Variants in WWC2 observed in about 807,000 individuals in gnomAD.
The protein encoded by WWC2 is WW and C2 domain containing 2.
A neutral mutation model predicts 138.5 loss-of-function variants in WWC2; 101 were observed. That is an observed-to-expected ratio of 0.73 (90% CI 0.62 to 0.86). The LOEUF (loss-of-function observed/expected upper bound fraction) is 0.86. Among genes scored for constraint, WWC2 ranks in the 40% least tolerant of loss-of-function variants. The pLI is 0.00. For missense variants in WWC2, 1,420 were observed against 1,419.4 expected, an observed-to-expected ratio of 1.00 and a Z score of -0.01; for synonymous variants, 558 against 538.4, an observed-to-expected ratio of 1.04 and a Z score of -0.50.
chr4:183,151,588 G>C lies in WWC2; in HGVS notation c.132-42011G>C, dbSNP rs1360775736. Among the ~76,000 whole-genome samples, 3 of 152,102 alleles carry C rather than the reference G, an allele frequency of 2.0e-5. No individual in the cohort carries two copies. In the South Asian group the frequency reaches 6.2e-4, roughly 32 times the overall value. ...TTTGGCTTTTGTTGCCATTGCTTTT[G>C]GTGTTTTAGACATGAAGTCCTTGTC... On this transcript the variant is annotated intron_variant, in intron 1 of 22. Coordinates refer to ENST00000403733, the MANE Select transcript of WWC2 (RefSeq NM_024949.6).
chr4:183,232,286 T>C (rs1195561124), intron 4 of WWC2, among the ~76,000 whole-genome samples: 1 of 152,208 alleles, frequency 6.6e-6, no homozygotes, highest in Non-Finnish European at 1.5e-5. Context: ...AACCATACAA[T>C]TCACCCATTT....
intron 4 of WWC2, among the ~76,000 whole-genome samples, chr4:183,216,638 G>A (rs980123842): frequency 3.3e-5 from 5 of 152,204 alleles, no homozygotes; most frequent in African/African-American, 1.2e-4. Flanking sequence ...AACAGATGAA[G>A]TGAGCCCTGG....
Position 183,208,068 on chromosome 4 carries a change from T to C in WWC2, c.357T>C (p.His119=). The part of the protein sequence containing the change: ...DALRTQKELY[H]VKEQRLALAL... ...TCCGGACACAGAAGGAACTGTACCA[T>C]GTGAAGGAGCAGAGGCTGGCGCTGG... The change falls in exon 3 of 23, where the codon CAT becomes CAC. Residue 119 remains histidine, a synonymous_variant. Coordinates refer to ENST00000403733, the MANE Select transcript of WWC2 (RefSeq NM_024949.6). 1.2e-6 allele frequency: 2 copies of C among 1,613,886 alleles called. No individual in the cohort carries two copies. The highest frequency in any genetic ancestry group is 1.1e-5 in the South Asian group (1 of 91,074).
chr4:183,172,402 A>G (rs1287448172), intron 1 of WWC2, among the ~76,000 whole-genome samples: 1 of 152,180 alleles, frequency 6.6e-6, no homozygotes, highest in Non-Finnish European at 1.5e-5. Context: ...ATCTCCACAG[A>G]TGCCATTATT....
Position 183,248,840 on chromosome 4 carries a change from C to A in WWC2, c.859C>A (p.Gln287Lys). The change falls in exon 7 of 23, where the codon CAA becomes AAA. Residue 287 changes from glutamine (Q) to lysine (K), a missense_variant. Physicochemically the swap from Gln to Lys is moderately conservative, Grantham distance 53. Coordinates refer to ENST00000403733, the MANE Select transcript of WWC2 (RefSeq NM_024949.6). ...CAGACAGACCCTTGATGCTGGGTCA[C>A]AAACAAGCATTTCCGGAGATGTAAG... ...LSRQTLDAGS[Q>K]TSISGDIGVR... 6.3e-7 allele frequency: 1 copy of A among 1,599,628 alleles called. No homozygotes were observed. Among genetic ancestry groups the A allele is most frequent in the Non-Finnish European group, 8.5e-7 (1 of 1,171,696 alleles).
intron 1 of WWC2, among the ~76,000 whole-genome samples, chr4:183,188,282 A>G (rs1289657486): frequency 6.6e-6 from 1 of 152,184 alleles, no homozygotes; most frequent in African/African-American, 2.4e-5. Context: ...TGTGTCGCCC[A>G]GGCTGGAGTG....
chr4:183,117,435 G>A (rs183828709), intron 1 of WWC2, among the ~76,000 whole-genome samples: 2 of 151,938 alleles, frequency 1.3e-5, no homozygotes, highest in African/African-American at 4.8e-5. Flanking sequence ...TGGTCAGGCT[G>A]GTCTCGAACT....
intron 1 of WWC2, among the ~76,000 whole-genome samples, chr4:183,192,932 A>G (rs1246319326): frequency 1.3e-5 from 2 of 152,212 alleles, no homozygotes; most frequent in African/African-American, 2.4e-5. Context: ...ATTAGTTTTA[A>G]AGAGAAAAAT....
At chr4:183,286,794 G>A (rs2111069821) in intron 20 of WWC2, among the ~76,000 whole-genome samples, 1 of 152,258 alleles carries the variant, frequency 6.6e-6, no homozygotes, top group Non-Finnish European at 1.5e-5. Context: ...ATGGTCTAGA[G>A]GAGGACACAA....
At chr4:183,280,690 T>C (rs890929904) in intron 16 of WWC2, 86 bp from the exon 17 acceptor site, 3 of 1,398,146 alleles carry the variant, frequency 2.1e-6, no homozygotes, top group Non-Finnish European at 2.9e-6. Flanking sequence ...TCTTTACAGA[T>C]AGAAGTGTAA....
intron 21 of WWC2, among the ~76,000 whole-genome samples, chr4:183,292,572 A>G (rs895064445): frequency 2.0e-5 from 3 of 152,068 alleles, no homozygotes; most frequent in Non-Finnish European, 4.4e-5. Context: ...GGATGTTTGG[A>G]AAGAATAAAA....
At chr4:183,201,005 G>A (rs916856571) in intron 2 of WWC2, among the ~76,000 whole-genome samples, 1 of 152,192 alleles carries the variant, frequency 6.6e-6, no homozygotes. Flanking sequence ...GTTAGAGGAT[G>A]AATTCTGTAC....
intron 7 of WWC2, among the ~76,000 whole-genome samples, chr4:183,249,670 T>A (rs1736911165): frequency 1.3e-5 from 2 of 152,228 alleles, no homozygotes; most frequent in East Asian, 1.9e-4. Context: ...TATCAGGATA[T>A]TTTTTATCTT....
chr4:183,117,659 C>G (rs958205460), intron 1 of WWC2, among the ~76,000 whole-genome samples: 13 of 150,510 alleles, frequency 8.6e-5, no homozygotes, highest in African/African-American at 3.2e-4. Context: ...GAGACAAGGT[C>G]TCATCTCCCT....
chr4:183,199,057 A>G (rs1426772946), intron 2 of WWC2, among the ~76,000 whole-genome samples: 1 of 152,154 alleles, frequency 6.6e-6, no homozygotes, highest in Non-Finnish European at 1.5e-5. Context: ...ACTTGGAGAA[A>G]GTGCTTTAAG....
At chr4:183,301,144 A>G (rs1397540209) in intron 21 of WWC2, among the ~76,000 whole-genome samples, 1 of 152,124 alleles carries the variant, frequency 6.6e-6, no homozygotes, top group Non-Finnish European at 1.5e-5. Flanking sequence ...TTTTTAGTAT[A>G]TTTACTAATT....
intron 21 of WWC2, among the ~76,000 whole-genome samples, chr4:183,310,667 A>ATTTTT: frequency 7.6e-6 from 1 of 130,968 alleles, no homozygotes; most frequent in Admixed American, 7.7e-5. Flanking sequence ...CACCTAGCTA[A>ATTTTT]TTTTTTTTTT....
chr4:183,188,131 A>C (rs1327796037), intron 1 of WWC2, among the ~76,000 whole-genome samples: 1 of 152,204 alleles, frequency 6.6e-6, no homozygotes, highest in East Asian at 1.9e-4. Context: ...TGGCAGGAAG[A>C]ACGGGGGAGT....
At chr4:183,121,022 G>A (rs1352550338) in intron 1 of WWC2, among the ~76,000 whole-genome samples, 1 of 152,188 alleles carries the variant, frequency 6.6e-6, no homozygotes, top group Non-Finnish European at 1.5e-5. Flanking sequence ...TTTGAGACCA[G>A]CCTGGACAAC....
Sources: gnomAD v4.1 joint callset for allele counts (sites outside exome capture counted in the v4.1 genomes callset) on GRCh38, gnomAD v4.1.1 for gene constraint, MANE v1.5 for transcripts, NCBI Gene and HGNC (gene_info 2026-07-23, HGNC 2026-07-21) for gene names.